DHX32: variants seen among roughly 807,000 people sequenced by gnomAD.
The protein encoded by DHX32 is DEAH-box helicase 32 (putative), also known as putative pre-mRNA-splicing factor ATP-dependent RNA helicase DHX32.
In DHX32, 51 loss-of-function variants were observed where a neutral mutation model predicts 70.0. That is an observed-to-expected ratio of 0.73 (90% CI 0.58 to 0.92). DHX32 has a LOEUF of 0.92. DHX32 is among the 40% of genes least tolerant of loss of function. DHX32 has a pLI of 0.00. For synonymous variants in DHX32, 310 were observed against 315.3 expected, an observed-to-expected ratio of 0.98 and a Z score of 0.18; for missense variants, 762 against 891.8, an observed-to-expected ratio of 0.85 and a Z score of 1.85.
At chr10:125,855,637 A>G (rs1312981682) in intron 3 of DHX32, among the ~76,000 whole-genome samples, 1 of 151,890 alleles carries the variant, frequency 6.6e-6, no homozygotes, top group African/African-American at 2.4e-5. Context: ...TTTTTAGTAG[A>G]GACGGGGCTT....
chr10:125,885,277 A>C (rs1363628678), upstream of DHX32, among the ~76,000 whole-genome samples: 1 of 152,140 alleles, frequency 6.6e-6, no homozygotes, highest in Non-Finnish European at 1.5e-5. Context: ...AATGGCCTCC[A>C]AAGATGTGCA....
chr10:125,836,776 C>G lies in DHX32; in HGVS notation c.2143G>C (p.Asp715His), dbSNP rs531809485. 5.6e-6 allele frequency: 9 copies of G among 1,613,966 alleles called. No homozygotes were observed. The highest frequency in any genetic ancestry group is 2.2e-5 in the East Asian group (1 of 44,868). ...ESKDILQQVV[D>H]HLSPVSTMNK... is the part of the protein sequence containing the mutation. ...ATTGTTGACACAGGGGATAGGTGAT[C>G]CACTACTTGCTGTAGAATGTCCTTA... is the stretch of plus-strand genomic sequence containing the variant. The change falls in exon 11 of 11, where the codon GAT (aspartate) becomes CAT (histidine). Residue 715 changes from aspartate to histidine, a missense_variant. Asp to His is a moderately conservative substitution (Grantham distance 81). This residue lies in a region of DHX32 where 366 missense variants were observed against 402.6 expected (regional missense o/e 0.91). Coordinates refer to ENST00000284690, the MANE Select transcript of DHX32 (RefSeq NM_018180.3).
intron 1 of DHX32, among the ~76,000 whole-genome samples, chr10:125,892,144 G>C (rs1944374823): frequency 6.6e-6 from 1 of 151,636 alleles, no homozygotes; most frequent in Non-Finnish European, 1.5e-5. Flanking sequence ...ATGAATAACA[G>C]AACAATCCAG....
chr10:125,852,995 GTTTC>G, intron 4 of DHX32: 1 of 694,788 alleles, frequency 1.4e-6, no homozygotes, highest in Non-Finnish European at 2.5e-6. Context: ...ATAGTGCCAT[GTTTC>G]TTTATAGTTT....
exon 1 of DHX32, chr10:125,896,330 G>A (rs1944523416): frequency 7.5e-6 from 2 of 265,892 alleles, no homozygotes; most frequent in Non-Finnish European, 1.4e-5. Context: ...GGGACCGCGG[G>A]TCGGCGACGT....
chr10:125,876,884 A>G (rs1483352159), intron 1 of DHX32, among the ~76,000 whole-genome samples: 2 of 152,230 alleles, frequency 1.3e-5, no homozygotes, highest in Non-Finnish European at 1.5e-5. Flanking sequence ...ATCAGATAAT[A>G]ATTAGATATC....
At chr10:125,855,234 AAAG>A (rs1467258089) in intron 3 of DHX32, among the ~76,000 whole-genome samples, 1 of 151,660 alleles carries the variant, frequency 6.6e-6, no homozygotes, top group Non-Finnish European at 1.5e-5. Context: ...AAAAAAAAAA[AAAG>A]AAATTAAAAG....
At chr10:125,891,212 T>G (rs1269533020) in intron 1 of DHX32, among the ~76,000 whole-genome samples, 9 of 152,242 alleles carry the variant, frequency 5.9e-5, no homozygotes, top group Non-Finnish European at 1.2e-4. Context: ...ATTTAAGTAG[T>G]CTAGTGACAC....
intron 1 of DHX32, among the ~76,000 whole-genome samples, chr10:125,892,057 T>A (rs902465151): frequency 2.0e-5 from 3 of 152,192 alleles, no homozygotes; most frequent in African/African-American, 7.2e-5. Flanking sequence ...CCAACGTATA[T>A]GACAGGCATC....
intron 1 of DHX32, among the ~76,000 whole-genome samples, chr10:125,893,954 T>C (rs1944386369): frequency 6.6e-6 from 1 of 152,154 alleles, no homozygotes; most frequent in Non-Finnish European, 1.5e-5. Flanking sequence ...GAGATTTAAA[T>C]AAGAAAAAGA....
At position 125,855,684 on chromosome 10, in the gene DHX32, T is replaced by C. The variant is rs571390249; in HGVS notation, c.850-1481A>G. 3.3e-5 allele frequency among the ~76,000 whole-genome samples: 5 copies of C among 152,246 alleles called. No homozygotes were observed. In the East Asian group the frequency reaches 9.7e-4, roughly 29 times the overall value. ...CCAGGATGGTCTCGATCTCCTGACC[T>C]CATGATCTGCCTGCCTTGGCCTCCC... On this transcript the variant is annotated intron_variant, in intron 3 of 10. Transcript: ENST00000284690.
chr10:125,848,881 C>T (rs1431458602), intron 6 of DHX32, among the ~76,000 whole-genome samples: 2 of 152,094 alleles, frequency 1.3e-5, no homozygotes, highest in Admixed American at 6.5e-5. Flanking sequence ...TTTGATTATC[C>T]TCATATTCAG....
chr10:125,849,556 A>C (rs1356104802), intron 6 of DHX32, among the ~76,000 whole-genome samples: 1 of 152,174 alleles, frequency 6.6e-6, no homozygotes, highest in Non-Finnish European at 1.5e-5. Flanking sequence ...TTAACTTAAA[A>C]ACCTAGGCTG....
chr10:125,865,867 G>A (rs1235339261), intron 2 of DHX32, among the ~76,000 whole-genome samples: 1 of 152,140 alleles, frequency 6.6e-6, no homozygotes, highest in African/African-American at 2.4e-5. Flanking sequence ...CCGCACCAGA[G>A]TGCAGTGCTA....
chr10:125,872,945 G>A (rs758942831), intron 1 of DHX32, among the ~76,000 whole-genome samples: 7 of 152,202 alleles, frequency 4.6e-5, no homozygotes, highest in Non-Finnish European at 1.0e-4. Context: ...GTTAGCAACT[G>A]CAGTTCTACA....
intron 6 of DHX32, among the ~76,000 whole-genome samples, chr10:125,844,405 C>T (rs1437336526): frequency 6.6e-6 from 1 of 152,244 alleles, no homozygotes; most frequent in Non-Finnish European, 1.5e-5. Context: ...AGGGCACCTA[C>T]TATTCATTTT....
intron 6 of DHX32, among the ~76,000 whole-genome samples, chr10:125,850,394 G>C (rs1391442658): frequency 6.2e-5 from 5 of 81,160 alleles, no homozygotes; most frequent in Non-Finnish European, 1.2e-4. Flanking sequence ...TTTTGCTCTT[G>C]TTGCCCAGGC....
intron 6 of DHX32, among the ~76,000 whole-genome samples, chr10:125,843,285 T>C (rs1025604397): frequency 9.2e-5 from 14 of 151,886 alleles, no homozygotes; most frequent in Non-Finnish European, 1.8e-4. Context: ...ATGGTAAAAA[T>C]TTTCTTATGT....
intron 1 of DHX32, among the ~76,000 whole-genome samples, chr10:125,879,624 T>C (rs1944305507): frequency 6.6e-6 from 1 of 152,190 alleles, no homozygotes. Context: ...TCATGAGTCA[T>C]TCTTTGCTCA....
Sources: allele counts gnomAD v4.1 joint callset (sites outside exome capture counted in the v4.1 genomes callset), GRCh38; gene constraint gnomAD v4.1.1; regional missense constraint gnomAD v4.1.1; transcripts MANE v1.5; gene names NCBI Gene and HGNC (gene_info 2026-07-23, HGNC 2026-07-21).